The following C19orf47 variants were observed in gnomAD, a reference collection of about 807,000 sequenced individuals.
The protein encoded by C19orf47 is uncharacterized protein C19orf47.
Under a neutral mutation model 32.3 loss-of-function variants are expected in C19orf47, and 18 were observed. The ratio of observed to expected loss-of-function variants is 0.56; its 90% CI spans 0.39 to 0.83. The LOEUF is 0.83. C19orf47 is among the 40% of genes least tolerant of loss of function. C19orf47 has a pLI of 0.00. For missense variants in C19orf47, 484 were observed against 531.6 expected, an observed-to-expected ratio of 0.91 and a Z score of 0.88; for synonymous variants, 202 against 211.1, an observed-to-expected ratio of 0.96 and a Z score of 0.37.
intron 7 of C19orf47, chr19:40,324,573 A>C (rs2077789357): frequency 6.3e-6 from 1 of 158,722 alleles, no homozygotes. Context: ...AATTTATGGA[A>C]CATGGGCCAG....
At chr19:40,339,996 C>G (rs201486939) in intron 2 of C19orf47, among the ~76,000 whole-genome samples, 2 of 137,614 alleles carry the variant, frequency 1.5e-5, no homozygotes, top group African/African-American at 5.3e-5. Flanking sequence ...AAAAAAAAAA[C>G]AAAAAAAGAA....
Position 40,328,514 on chromosome 19 carries a change from T to G in C19orf47, c.338A>C (p.Asp113Ala). 6.2e-7 allele frequency: 1 copy of G among 1,607,844 alleles called. No individual in the cohort carries two copies. Among genetic ancestry groups the G allele is most frequent in the South Asian group, 1.1e-5 (1 of 90,404 alleles). The change falls in exon 6 of 9, where the codon GAC (aspartate) becomes GCC (alanine). Residue 113 changes from aspartate (D) to alanine (A), a missense_variant. Asp to Ala is a moderately radical substitution (Grantham distance 126). This residue lies in a region of C19orf47 where 376 missense variants were observed against 370.2 expected (regional missense o/e 1.02). Transcript: ENST00000683109. Reference sequence around the variant, plus strand: ...CCTGGGGGGTGTGCTGGGTGGAGAGTCATGGTTCAGGCTGTTGGTGATCAT... The same window carrying G: ...CCTGGGGGGTGTGCTGGGTGGAGAGGCATGGTTCAGGCTGTTGGTGATCAT... ...SRMITNSLNH[D>A]SPPSTPPRRP...
the C19orf47 span, among the ~76,000 whole-genome samples, chr19:40,296,302 G>T: frequency 6.6e-6 from 1 of 151,764 alleles, no homozygotes; most frequent in East Asian, 1.9e-4. Context: ...ATTTTTTTGA[G>T]ACCAAGTTTT....
the C19orf47 span, among the ~76,000 whole-genome samples, chr19:40,296,767 A>G: frequency 2.6e-5 from 4 of 151,928 alleles, no homozygotes; most frequent in African/African-American, 9.7e-5. Flanking sequence ...TACAAAAATT[A>G]GCTGGGCGTG....
chr19:40,295,714 G>A, the C19orf47 span, among the ~76,000 whole-genome samples: 16 of 151,980 alleles, frequency 1.1e-4, no homozygotes, highest in African/African-American at 3.9e-4. Context: ...GGGATTACAT[G>A]CATGAGCCAC....
At chr19:40,337,016 T>C (rs1199764654) in intron 2 of C19orf47, among the ~76,000 whole-genome samples, 1 of 152,132 alleles carries the variant, frequency 6.6e-6, no homozygotes, top group East Asian at 1.9e-4. Flanking sequence ...GGACTTTGGG[T>C]AAGTTAACTC....
intron 7 of C19orf47, among the ~76,000 whole-genome samples, chr19:40,325,099 G>A (rs974047332): frequency 5.3e-5 from 8 of 150,570 alleles, no homozygotes; most frequent in African/African-American, 1.7e-4. Flanking sequence ...ATGAAACCCC[G>A]TCTCTACTAA....
At chr19:40,314,692 G>A (rs1486781313), downstream of C19orf47, among the ~76,000 whole-genome samples, 1 of 152,194 alleles carries the variant, frequency 6.6e-6, no homozygotes, top group Non-Finnish European at 1.5e-5. Context: ...AGGAGATGGA[G>A]CATAAACCCC....
At chr19:40,325,430 C>T (rs546585312) in intron 7 of C19orf47, among the ~76,000 whole-genome samples, 42 of 152,060 alleles carry the variant, frequency 2.8e-4, no homozygotes, top group African/African-American at 1.0e-3. Context: ...GAGTTTGAGA[C>T]CAGCCTGGGC....
chr19:40,346,724 C>T (rs1276836553), intron 1 of C19orf47, among the ~76,000 whole-genome samples: 1 of 151,766 alleles, frequency 6.6e-6, no homozygotes, highest in Non-Finnish European at 1.5e-5. Flanking sequence ...GACGGGGTTT[C>T]ACCGTGTTAG....
intron 1 of C19orf47, among the ~76,000 whole-genome samples, chr19:40,347,293 G>T (rs1410362550): frequency 6.6e-6 from 1 of 152,038 alleles, no homozygotes; most frequent in Non-Finnish European, 1.5e-5. Context: ...ACTTTGGGAG[G>T]CAGAGGCGGG....
intron 2 of C19orf47, among the ~76,000 whole-genome samples, chr19:40,338,114 G>A (rs555012424): frequency 9.2e-5 from 14 of 151,838 alleles, no homozygotes; most frequent in African/African-American, 2.7e-4. Flanking sequence ...TCCCTCTGTC[G>A]CCTAGGCCAG....
At chr19:40,334,394 A>C (rs754502353) in intron 4 of C19orf47, among the ~76,000 whole-genome samples, 29 of 152,146 alleles carry the variant, frequency 1.9e-4, no homozygotes, top group Non-Finnish European at 4.1e-4. Context: ...GGCTGCAGTA[A>C]GCTGTGATTG....
At chr19:40,294,476 C>T in the C19orf47 span, among the ~76,000 whole-genome samples, 33 of 151,938 alleles carry the variant, frequency 2.2e-4, no homozygotes, top group African/African-American at 6.0e-4. Context: ...TGATTCCTCC[C>T]CTCCCAGAGA....
chr19:40,335,972 C>G, intron 4 of C19orf47, 138 bp downstream of exon 4: 2 of 698,390 alleles, frequency 2.9e-6, no homozygotes, highest in South Asian at 1.8e-5. Context: ...ATGTGCCCAG[C>G]GTCACACAGC....
At position 40,321,050 on chromosome 19, in the gene C19orf47, G is replaced by A. The variant is rs1207066726; in HGVS notation, c.*832C>T. ...CAGTCCTGCAACTCACCCTGAAGGAGTGGGGGAAATGATTTGAAAGTCACA... is the reference window on the plus strand; with the variant it reads ...CAGTCCTGCAACTCACCCTGAAGGAATGGGGGAAATGATTTGAAAGTCACA... On this transcript the variant is annotated 3_prime_UTR_variant, in exon 9 of 9. Coordinates refer to ENST00000683109, the MANE Select transcript of C19orf47 (RefSeq NM_001256441.2). The A allele has an allele frequency of 5.5e-6, 1 of 183,380 alleles. No individual in the cohort carries two copies. The highest frequency in any genetic ancestry group is 2.4e-5 in the African/African-American group (1 of 41,984). The allele number at this position is 183,380 out of a possible 1,614,324, so 11.4% of individuals were successfully genotyped here.
At chr19:40,318,830 A>G (rs1042139962), downstream of C19orf47, among the ~76,000 whole-genome samples, 4 of 152,168 alleles carry the variant, frequency 2.6e-5, no homozygotes, top group African/African-American at 9.7e-5. Context: ...GGGACACTGC[A>G]TGACACACAG....
At chr19:40,329,376 T>C (rs7248338) in intron 5 of C19orf47, among the ~76,000 whole-genome samples, 110,121 of 151,788 alleles carry the variant, frequency 0.73, 40,125 homozygotes, top group African/African-American at 0.79. Flanking sequence ...CATGGTGGCA[T>C]GTGCCTGTAG....
At chr19:40,299,983 C>T in the C19orf47 span, among the ~76,000 whole-genome samples, 3 of 151,564 alleles carry the variant, frequency 2.0e-5, no homozygotes, top group Non-Finnish European at 2.9e-5. Context: ...GAGCCGAGAT[C>T]GCACCATTGC....
Sources: gnomAD v4.1 joint callset for allele counts (sites outside exome capture counted in the v4.1 genomes callset) on GRCh38, gnomAD v4.1.1 for gene constraint, gnomAD v4.1.1 regional missense constraint, MANE v1.5 for transcripts, NCBI Gene and HGNC (gene_info 2026-07-23, HGNC 2026-07-21) for gene names.